Variants in PCDHAC1 observed in about 807,000 individuals in gnomAD.
The protein encoded by PCDHAC1 is protocadherin alpha subfamily C, 1.
Under a neutral mutation model 60.0 loss-of-function variants are expected in PCDHAC1, and 42 were observed. That is an observed-to-expected ratio of 0.70 (90% CI 0.55 to 0.90). The LOEUF (loss-of-function observed/expected upper bound fraction) is 0.90, where lower values mean the gene tolerates loss of function less well. Ranked by LOEUF, PCDHAC1 falls within the 40% of genes least tolerant of loss-of-function variation. The pLI is 0.00. For missense variants in PCDHAC1, 1,160 were observed against 1,222.3 expected, an observed-to-expected ratio of 0.95 and a Z score of 0.76; for synonymous variants, 468 against 499.3, an observed-to-expected ratio of 0.94 and a Z score of 0.84.
rs369541654 is a variant in PCDHAC1 at position 141,010,673 on chromosome 5, A to G, written c.*736A>G. On this transcript the variant is annotated 3_prime_UTR_variant, in exon 4 of 4. Coordinates refer to ENST00000253807, the MANE Select transcript of PCDHAC1 (RefSeq NM_018898.5). ...TTTTAACAGAGAACCACCCTGGGAAACAGAAGCAGATCTGATGTGTTTCCT... is the reference window on the plus strand; with the variant it reads ...TTTTAACAGAGAACCACCCTGGGAAGCAGAAGCAGATCTGATGTGTTTCCT... 8.1e-4 allele frequency: 133 copies of G among 163,824 alleles called. No individual in the cohort carries two copies. Among genetic ancestry groups the G allele is most frequent in the Non-Finnish European group, 5.5e-4 (41 of 74,388 alleles). 10.1% of individuals were successfully genotyped at this position (163,824 alleles called of 1,614,324 possible). A position where few individuals can be genotyped will look rare whatever the true frequency, so the allele number is the denominator to read the frequency against.
At chr5:140,941,210 TCTTC>T (rs1480454721) in intron 1 of PCDHAC1, among the ~76,000 whole-genome samples, 2,917 of 100,514 alleles carry the variant, frequency 0.029, 68 homozygotes, top group South Asian at 0.045. Flanking sequence ...TTCCTTTCTT[TCTTC>T]CTTTCTTTCT....
chr5:140,941,239 C>CTTTCTTTCTTTCTTTA (rs2092937531), intron 1 of PCDHAC1, among the ~76,000 whole-genome samples: 1 of 134,502 alleles, frequency 7.4e-6, no homozygotes, highest in African/African-American at 2.9e-5. Context: ...TTCTTTCTTT[C>CTTTCTTTCTTTCTTTA]TTTCTTTCTT....
chr5:140,927,959 G>A lies in PCDHAC1; in HGVS notation c.1067G>A (p.Gly356Asp). Residue 356 changes from glycine (G) to aspartate (D), a missense_variant, in exon 1 of 4, where the codon GGC becomes GAC. Physicochemically the swap from Gly to Asp is moderately conservative, Grantham distance 94. Transcript: ENST00000253807. ...CCAGTACCTGAGGACGCTGCCCCTG[G>A]CACAGTGATTGCTCTCTTTAGTGTA... ...SNPVPEDAAP[G>D]TVIALFSVKD... 1 of 1,614,190 alleles carries A rather than the reference G, an allele frequency of 6.2e-7. No individual in the cohort carries two copies. Among genetic ancestry groups the A allele is most frequent in the East Asian group, 2.2e-5 (1 of 44,886 alleles).
intron 1 of PCDHAC1, among the ~76,000 whole-genome samples, chr5:140,942,069 A>G (rs1384507706): frequency 1.3e-5 from 2 of 152,234 alleles, no homozygotes; most frequent in Non-Finnish European, 2.9e-5. Flanking sequence ...TAATTGAGCC[A>G]AGAGAGCACA....
intron 1 of PCDHAC1, among the ~76,000 whole-genome samples, chr5:140,971,297 T>C (rs1246980755): frequency 4.6e-5 from 7 of 152,222 alleles, no homozygotes; most frequent in Non-Finnish European, 1.0e-4. Context: ...TGTACTTTGG[T>C]ACACAAACAT....
intron 1 of PCDHAC1, among the ~76,000 whole-genome samples, chr5:140,937,326 C>A (rs1287239556): frequency 2.0e-5 from 3 of 152,046 alleles, no homozygotes; most frequent in African/African-American, 7.2e-5. Flanking sequence ...CGTGAGCCAC[C>A]GCGCCCGGCT....
chr5:140,929,992 C>T (rs1015837723), intron 1 of PCDHAC1: 7 of 152,300 alleles, frequency 4.6e-5, no homozygotes, highest in East Asian at 1.9e-4. Flanking sequence ...TTGGGAATGA[C>T]ACCCTAAAAC....
intron 3 of PCDHAC1, among the ~76,000 whole-genome samples, chr5:140,991,755 C>T (rs2153897425): frequency 6.6e-6 from 1 of 152,268 alleles, no homozygotes; most frequent in South Asian, 2.1e-4. Context: ...TTCTATCATG[C>T]TCTTCAAAAT....
intron 2 of PCDHAC1, among the ~76,000 whole-genome samples, chr5:140,979,418 T>A (rs895579689): frequency 3.3e-5 from 5 of 152,178 alleles, no homozygotes; most frequent in South Asian, 2.1e-4. Flanking sequence ...GTTTTTTTTT[T>A]AATCTCACAT....
At chr5:140,950,669 G>C (rs1554219570) in intron 1 of PCDHAC1, among the ~76,000 whole-genome samples, 1 of 151,992 alleles carries the variant, frequency 6.6e-6, no homozygotes, top group African/African-American at 2.4e-5. Flanking sequence ...TATCAAACAT[G>C]TACATGTATA....
chr5:141,004,350 G>A (rs2098163029), intron 3 of PCDHAC1, among the ~76,000 whole-genome samples: 1 of 152,192 alleles, frequency 6.6e-6, no homozygotes, highest in South Asian at 2.1e-4. Context: ...GTGAGGGACT[G>A]GAGAGACCAC....
At chr5:140,996,987 A>G (rs1554255592) in intron 3 of PCDHAC1, among the ~76,000 whole-genome samples, 1 of 152,134 alleles carries the variant, frequency 6.6e-6, no homozygotes, top group African/African-American at 2.4e-5. Context: ...TGAAGCAACC[A>G]CTGTTAACAA....
intron 1 of PCDHAC1, among the ~76,000 whole-genome samples, chr5:140,975,757 A>G (rs779490429): frequency 6.6e-5 from 10 of 152,234 alleles, no homozygotes; most frequent in South Asian, 2.1e-4. Flanking sequence ...ATTCTATGTC[A>G]TAAATCACAG....
intron 1 of PCDHAC1, among the ~76,000 whole-genome samples, chr5:140,961,630 C>A (rs1387087976): frequency 1.3e-5 from 2 of 152,136 alleles, no homozygotes; most frequent in Non-Finnish European, 2.9e-5. Context: ...ATATGAAAAA[C>A]AATCTTAAGT....
At chr5:140,961,176 C>A (rs782677581) in intron 1 of PCDHAC1, among the ~76,000 whole-genome samples, 16 of 152,182 alleles carry the variant, frequency 1.1e-4, no homozygotes, top group Admixed American at 2.0e-4. Context: ...ACCTTATGTA[C>A]TCCTCACAGG....
chr5:140,973,974 T>C (rs2096609755), intron 1 of PCDHAC1, among the ~76,000 whole-genome samples: 1 of 152,224 alleles, frequency 6.6e-6, no homozygotes. Context: ...TAAATGTGGC[T>C]TTTACAGAAC....
Position 140,928,942 on chromosome 5 carries a change from T to G in PCDHAC1, c.2050T>G (p.Leu684Val). 1 of 1,614,062 alleles carries G rather than the reference T, an allele frequency of 6.2e-7. No individual in the cohort carries two copies. Among genetic ancestry groups the G allele is most frequent in the Non-Finnish European group, 8.5e-7 (1 of 1,179,972 alleles). Residue 684 changes from leucine (L) to valine (V), a missense_variant, in exon 1 of 4, where the codon TTA becomes GTA. Leu to Val is a conservative substitution (Grantham distance 32). This residue lies in a region of PCDHAC1 where 1,113 missense variants were observed against 1,163.7 expected (regional missense o/e 0.96). Transcript: ENST00000253807. ...GCAGCTTTCTGCCCAGAACTTGTAT[T>G]TAGTAATTGCCTTGGCTTGTATTTC... ...GGQLSAQNLY[L>V]VIALACISFL...
intron 3 of PCDHAC1, 111 bp downstream of exon 3, chr5:140,982,674 A>G (rs1399250735): frequency 3.4e-6 from 5 of 1,450,700 alleles, no homozygotes; most frequent in Admixed American, 2.7e-5. Context: ...TATTTTTGTT[A>G]TTCCCTTTTT....
chr5:140,951,716 C>T (rs2094623458), intron 1 of PCDHAC1, among the ~76,000 whole-genome samples: 1 of 152,102 alleles, frequency 6.6e-6, no homozygotes, highest in South Asian at 2.1e-4. Flanking sequence ...GGACACAGAT[C>T]CAAACCATGT....
Sources: gnomAD v4.1 joint callset for allele counts (sites outside exome capture counted in the v4.1 genomes callset) on GRCh38, gnomAD v4.1.1 for gene constraint, gnomAD v4.1.1 regional missense constraint, MANE v1.5 for transcripts, NCBI Gene and HGNC (gene_info 2026-07-23, HGNC 2026-07-21) for gene names.